SLC12A8: variants seen among roughly 807,000 people sequenced by gnomAD.
SLC12A8 encodes the protein solute carrier family 12 member 8.
In SLC12A8, 69 loss-of-function variants were observed where a neutral mutation model predicts 75.6. The ratio of observed to expected loss-of-function variants is 0.91; its 90% CI spans 0.75 to 1.11. SLC12A8 has a LOEUF of 1.11. Among genes scored for constraint, SLC12A8 ranks in the 50% most tolerant of loss-of-function variants. SLC12A8 has a pLI of 0.00. For missense variants in SLC12A8, 877 were observed against 896.7 expected, an observed-to-expected ratio of 0.98 and a Z score of 0.28; for synonymous variants, 365 against 372.8, an observed-to-expected ratio of 0.98 and a Z score of 0.24.
chr3:125,118,605 G>A (rs1191285696), intron 8 of SLC12A8, among the ~76,000 whole-genome samples, 164 bp downstream of exon 8: 5 of 152,168 alleles, frequency 3.3e-5, no homozygotes, highest in Non-Finnish European at 5.9e-5. Context: ...CTCCAGCCTA[G>A]GCAACAGAGT....
At chr3:125,127,254 T>G (rs1933230563) in intron 6 of SLC12A8, among the ~76,000 whole-genome samples, 1 of 152,244 alleles carries the variant, frequency 6.6e-6, no homozygotes, top group Admixed American at 6.5e-5. Flanking sequence ...TGCTCTGTTC[T>G]TGGAGCAAAA....
At chr3:125,194,051 G>T (rs990551469) in intron 2 of SLC12A8, among the ~76,000 whole-genome samples, 1 of 152,214 alleles carries the variant, frequency 6.6e-6, no homozygotes, top group African/African-American at 2.4e-5. Context: ...ACCCAGGATT[G>T]AGTCTACAGC....
At chr3:125,106,242 A>G (rs1261818024) in intron 10 of SLC12A8, among the ~76,000 whole-genome samples, 1 of 152,214 alleles carries the variant, frequency 6.6e-6, no homozygotes, top group African/African-American at 2.4e-5. Context: ...CACTTATTAC[A>G]TTGATTAAAA....
chr3:125,118,392 G>C (rs953392067), intron 8 of SLC12A8, among the ~76,000 whole-genome samples: 2 of 152,154 alleles, frequency 1.3e-5, no homozygotes, highest in African/African-American at 4.8e-5. Context: ...GGGAGGTCAA[G>C]GTGGGAGGAT....
At chr3:125,145,228 A>G (rs774529403) in intron 5 of SLC12A8, among the ~76,000 whole-genome samples, 1 of 152,146 alleles carries the variant, frequency 6.6e-6, no homozygotes, top group Non-Finnish European at 1.5e-5. Flanking sequence ...ATGGGTCCCC[A>G]TCTCTCTGCT....
At chr3:125,114,263 T>C (rs1466835275) in intron 8 of SLC12A8, among the ~76,000 whole-genome samples, 1 of 152,194 alleles carries the variant, frequency 6.6e-6, no homozygotes, top group African/African-American at 2.4e-5. Flanking sequence ...TCCCAGGTGC[T>C]GAGTGGCCCA....
At position 125,211,252 on chromosome 3, in the gene SLC12A8, C is replaced by G. The variant is rs376266306; in HGVS notation, c.51+47G>C. ...ATCCAGCCCACTGTCTGGGGATCCC[C>G]GTGCTCACAGGCCTCCATCACAGAC... On this transcript the variant is annotated intron_variant, in intron 2 of 13. Transcript: ENST00000469902. 10 of 1,524,382 alleles carry G rather than the reference C, an allele frequency of 6.6e-6. No homozygotes were observed. In the African/African-American group the frequency reaches 9.6e-5, roughly 15 times the overall value. 94.4% of individuals were successfully genotyped at this position (1,524,382 alleles called of 1,614,324 possible).
intron 10 of SLC12A8, among the ~76,000 whole-genome samples, chr3:125,099,249 G>A (rs2688994): frequency 0.11 from 15,990 of 152,180 alleles, 1,019 homozygotes; most frequent in Admixed American, 0.14. Context: ...GCTGACTAAC[G>A]ATATCAGCAG....
intron 6 of SLC12A8, among the ~76,000 whole-genome samples, chr3:125,124,685 T>A (rs116390718): frequency 0.017 from 2,542 of 152,280 alleles, 26 homozygotes; most frequent in Non-Finnish European, 0.026. Context: ...TCTACCTCTG[T>A]GTTACCACAC....
chr3:125,125,015 C>T (rs1422237916), intron 6 of SLC12A8, among the ~76,000 whole-genome samples: 2 of 151,936 alleles, frequency 1.3e-5, no homozygotes, highest in Admixed American at 1.3e-4. Context: ...GAGAGGTTTT[C>T]GGTGCTGGGC....
chr3:125,192,267 G>T (rs1450584775), intron 2 of SLC12A8, among the ~76,000 whole-genome samples: 1 of 152,118 alleles, frequency 6.6e-6, no homozygotes, highest in Non-Finnish European at 1.5e-5. Context: ...GGCAGGCCGG[G>T]AGGGGGCCCC....
chr3:125,117,554 T>A (rs1939344558), intron 8 of SLC12A8, among the ~76,000 whole-genome samples: 1 of 152,066 alleles, frequency 6.6e-6, no homozygotes, highest in Admixed American at 6.6e-5. Context: ...CATGTTCACG[T>A]CACTGTACTC....
intron 5 of SLC12A8, among the ~76,000 whole-genome samples, chr3:125,139,775 C>A (rs1933584898): frequency 6.6e-6 from 1 of 152,216 alleles, no homozygotes; most frequent in Admixed American, 6.5e-5. Context: ...CTGCCATGCC[C>A]TCCGACAGTG....
intron 3 of SLC12A8, among the ~76,000 whole-genome samples, chr3:125,189,189 GT>G (rs1041693995): frequency 5.3e-5 from 8 of 152,234 alleles, no homozygotes; most frequent in Non-Finnish European, 8.8e-5. Flanking sequence ...GCAAAGGCTG[GT>G]TTCCCAAAGA....
In SLC12A8 at chr3:125,110,301, A is replaced by T; in HGVS notation, c.947T>A (p.Leu316Ter). 1 of 1,614,008 alleles carries T rather than the reference A, an allele frequency of 6.2e-7. No individual in the cohort carries two copies. The highest frequency in any genetic ancestry group is 8.5e-7 in the Non-Finnish European group (1 of 1,179,954). Residue 316 changes from leucine (L) to a stop codon, truncating the protein, a stop_gained, in exon 9 of 14, where the codon TTA becomes TAA. Transcript: ENST00000469902. LOFTEE classifies it high-confidence loss of function. The stretch of plus-strand genomic sequence containing the variant: ...GCAGGAAGCCAGGGACGAGATGTAT[A>T]AGCCCAAAAGGAACAGGAAGCCCAT... ...SLMGFLFLLGLYISSLASCMG... is the reference protein window; with the variant it reads ...SLMGFLFLLG
chr3:125,137,142 A>C (rs1157525479), intron 5 of SLC12A8, among the ~76,000 whole-genome samples: 1 of 152,104 alleles, frequency 6.6e-6, no homozygotes, highest in East Asian at 1.9e-4. Context: ...CCATCCACAA[A>C]AGAAGGCTCC....
At chr3:125,113,837 A>G (rs1196811744) in intron 8 of SLC12A8, among the ~76,000 whole-genome samples, 1 of 151,842 alleles carries the variant, frequency 6.6e-6, no homozygotes, top group African/African-American at 2.4e-5. Context: ...TGCTCTTAGT[A>G]TTTTCTCCCA....
At chr3:125,192,190 A>G (rs936903504) in intron 2 of SLC12A8, among the ~76,000 whole-genome samples, 1 of 151,988 alleles carries the variant, frequency 6.6e-6, no homozygotes, top group Non-Finnish European at 1.5e-5. Flanking sequence ...AAAAAGACTA[A>G]TACTGTAGAG....
At chr3:125,151,373 G>A (rs960942822) in intron 5 of SLC12A8, 2 of 154,180 alleles carry the variant, frequency 1.3e-5, no homozygotes, top group Non-Finnish European at 2.9e-5. Context: ...GAGGCTCTAG[G>A]TCAGGTGTAA....
Sources: allele counts gnomAD v4.1 joint callset (sites outside exome capture counted in the v4.1 genomes callset), GRCh38; gene constraint gnomAD v4.1.1; transcripts MANE v1.5; gene names NCBI Gene and HGNC (gene_info 2026-07-23, HGNC 2026-07-21).